Variants in PTPRN2 observed in about 807,000 individuals in gnomAD.
The protein encoded by PTPRN2 is receptor-type tyrosine-protein phosphatase N2.
A neutral mutation model predicts 118.8 loss-of-function variants in PTPRN2; 74 were observed. That is an observed-to-expected ratio of 0.62 (90% CI 0.52 to 0.76). The LOEUF is 0.76. Ranked by LOEUF, PTPRN2 falls within the 30% of genes least tolerant of loss-of-function variation. The pLI is 0.00. For missense variants in PTPRN2, 1,481 were observed against 1,394.4 expected, an observed-to-expected ratio of 1.06 and a Z score of -0.99; for synonymous variants, 641 against 608.0, an observed-to-expected ratio of 1.05 and a Z score of -0.80.
rs548095487 is a variant in PTPRN2 at position 158,328,882 on chromosome 7, C to G, written c.164-11950G>C. 2.0e-5 allele frequency among the ~76,000 whole-genome samples: 3 copies of G among 148,880 alleles called. No individual in the cohort carries two copies. In the East Asian group the frequency reaches 6.0e-4, roughly 30 times the overall value. ...CTTCCCTGAGCGACAAGCGGGACCTCTGTTCCTCTCGCCACCCAGGGATCC... is the reference window on the plus strand; with the variant it reads ...CTTCCCTGAGCGACAAGCGGGACCTGTGTTCCTCTCGCCACCCAGGGATCC... On this transcript the variant is annotated intron_variant, in intron 2 of 22. Transcript: ENST00000389418.
At chr7:157,577,786 C>T (rs572142231) in intron 18 of PTPRN2, among the ~76,000 whole-genome samples, 4 of 152,306 alleles carry the variant, frequency 2.6e-5, no homozygotes, top group African/African-American at 9.6e-5. Flanking sequence ...ACCATCCACA[C>T]GGGCATGCGG....
chr7:158,526,457 G>A lies in PTPRN2; in HGVS notation c.113-36672C>T, dbSNP rs772977614. 1.2e-4 allele frequency among the ~76,000 whole-genome samples: 18 copies of A among 152,206 alleles called. No individual in the cohort carries two copies. The highest frequency in any genetic ancestry group is 3.9e-4 in the East Asian group (2 of 5,182). Reference sequence around the variant, plus strand: ...AAACACAGGGTCTGGAGGTCTCTCCGCTGGTCACGGCCTCGGAATTCCGAC... The same window carrying A: ...AAACACAGGGTCTGGAGGTCTCTCCACTGGTCACGGCCTCGGAATTCCGAC... On this transcript the variant is annotated intron_variant, in intron 1 of 22. Coordinates refer to ENST00000389418, the MANE Select transcript of PTPRN2 (RefSeq NM_002847.5). The surrounding 1 kb of genome is among the most constrained non-coding windows in gnomAD (Gnocchi z 5.2).
chr7:157,992,158 A>G (rs1267937756), intron 11 of PTPRN2, among the ~76,000 whole-genome samples: 3 of 152,262 alleles, frequency 2.0e-5, no homozygotes. Flanking sequence ...CATCTAATAC[A>G]TGGAAAATTG....
chr7:158,280,015 A>G (rs1412702102), intron 3 of PTPRN2, among the ~76,000 whole-genome samples: 1 of 150,628 alleles, frequency 6.6e-6, no homozygotes, highest in Admixed American at 6.6e-5. Flanking sequence ...CTGCCCCCGA[A>G]CCCACAGAGC....
intron 9 of PTPRN2, among the ~76,000 whole-genome samples, chr7:158,120,688 T>C (rs1308510444): frequency 6.6e-6 from 1 of 152,204 alleles, no homozygotes; most frequent in Non-Finnish European, 1.5e-5. Context: ...CCAGATGTCC[T>C]CTCTTTTCCT....
chr7:158,058,766 C>T (rs542581368), intron 11 of PTPRN2, among the ~76,000 whole-genome samples: 6 of 106,094 alleles, frequency 5.7e-5, no homozygotes, highest in Non-Finnish European at 7.4e-5. Flanking sequence ...CATCTGCCCA[C>T]GGTGAGACAT....
intron 1 of PTPRN2, among the ~76,000 whole-genome samples, chr7:158,515,930 C>T (rs1401909177): frequency 6.6e-6 from 1 of 152,210 alleles, no homozygotes; most frequent in Non-Finnish European, 1.5e-5. Flanking sequence ...TCCAGTCTTT[C>T]TGGACGTTGT....
intron 9 of PTPRN2, among the ~76,000 whole-genome samples, chr7:158,130,433 C>A (rs4909266): frequency 6.7e-6 from 1 of 148,478 alleles, no homozygotes. Flanking sequence ...CACACACACA[C>A]GTACATACAG....
At chr7:158,372,636 C>A (rs1234956127) in intron 2 of PTPRN2, among the ~76,000 whole-genome samples, 4 of 150,318 alleles carry the variant, frequency 2.7e-5, no homozygotes, top group African/African-American at 9.7e-5. Context: ...CGGAGCTGGT[C>A]CCCACCACGC....
Position 157,861,756 on chromosome 7 carries a change from G to T in PTPRN2, c.1788+36917C>A, listed in dbSNP as rs1044745569. On this transcript the variant is annotated intron_variant, in intron 12 of 22. Transcript: ENST00000389418. The surrounding 1 kb of genome is among the most constrained non-coding windows in gnomAD (Gnocchi z 5.8). ...CGTTGCCAGCAGCCCTCGGCCCACA[G>T]ACACAGCGCTTCCCTCCTGCCTCCG... Among the ~76,000 whole-genome samples the T allele has an allele frequency of 6.6e-5, 10 of 152,248 alleles. No individual in the cohort carries two copies. Among genetic ancestry groups the T allele is most frequent in the Admixed American group, 1.3e-4 (2 of 15,286 alleles).
intron 2 of PTPRN2, among the ~76,000 whole-genome samples, chr7:158,430,339 C>T (rs1240885564): frequency 1.3e-5 from 2 of 152,228 alleles, no homozygotes; most frequent in South Asian, 2.1e-4. Flanking sequence ...AGCCTGCTGG[C>T]GCTCACAGGC....
chr7:158,102,068 C>T (rs529466262), intron 10 of PTPRN2, among the ~76,000 whole-genome samples: 21 of 152,186 alleles, frequency 1.4e-4, no homozygotes, highest in Non-Finnish European at 2.4e-4. Context: ...AGCCCCAGAT[C>T]GCAAACTGGA....
intron 12 of PTPRN2, among the ~76,000 whole-genome samples, chr7:157,866,890 G>A (rs1810723287): frequency 2.8e-5 from 3 of 107,632 alleles, no homozygotes; most frequent in South Asian, 3.7e-4. Flanking sequence ...CTGGATACAC[G>A]GCCACCACCC....
chr7:158,284,002 G>A (rs1045823033), intron 3 of PTPRN2, among the ~76,000 whole-genome samples: 8 of 152,144 alleles, frequency 5.3e-5, no homozygotes, highest in African/African-American at 1.2e-4. Context: ...CAGATCACAC[G>A]TTAATCAATC....
intron 22 of PTPRN2, among the ~76,000 whole-genome samples, chr7:157,544,893 GGT>G (rs138204645): frequency 6.3e-4 from 92 of 145,186 alleles, no homozygotes; most frequent in African/African-American, 1.8e-3. Flanking sequence ...TGGGTGTGTA[GGT>G]GTGTGTGGGT....
intron 2 of PTPRN2, among the ~76,000 whole-genome samples, chr7:158,467,137 C>T (rs1368877106): frequency 6.6e-6 from 1 of 152,158 alleles, no homozygotes; most frequent in Non-Finnish European, 1.5e-5. Flanking sequence ...GTCACTGGGG[C>T]TCTGATGTGC....
At chr7:157,683,429 T>TG (rs1390094986) in intron 12 of PTPRN2, among the ~76,000 whole-genome samples, 1 of 152,208 alleles carries the variant, frequency 6.6e-6, no homozygotes, top group Non-Finnish European at 1.5e-5. Context: ...AACGTGGGAC[T>TG]GGCTCTGTGC....
At chr7:157,707,352 C>A (rs1798385243) in intron 12 of PTPRN2, among the ~76,000 whole-genome samples, 1 of 152,082 alleles carries the variant, frequency 6.6e-6, no homozygotes, top group Non-Finnish European at 1.5e-5. Flanking sequence ...TAGTAAACAC[C>A]AACTCAAGCA....
chr7:157,548,561 C>T (rs1489137834), intron 22 of PTPRN2, among the ~76,000 whole-genome samples: 1 of 152,256 alleles, frequency 6.6e-6, no homozygotes, highest in African/African-American at 2.4e-5. Context: ...CTCCACAAAG[C>T]GCAGGCCCCG....
Sources: allele counts gnomAD v4.1 joint callset (sites outside exome capture counted in the v4.1 genomes callset), GRCh38; gene constraint gnomAD v4.1.1; non-coding constraint Gnocchi (gnomAD v3.1); transcripts MANE v1.5; gene names NCBI Gene and HGNC (gene_info 2026-07-23, HGNC 2026-07-21).